OSBPL10: variants seen among roughly 807,000 people sequenced by gnomAD.
OSBPL10 encodes oxysterol-binding protein-related protein 10.
OSBPL10 carries 49 observed loss-of-function variants against 81.7 expected under a neutral mutation model. The ratio of observed to expected loss-of-function variants is 0.60; its 90% confidence interval spans 0.48 to 0.76. The LOEUF (loss-of-function observed/expected upper bound fraction) is 0.76. Among genes scored for constraint, OSBPL10 ranks in the 30% least tolerant of loss-of-function variants. OSBPL10 has a pLI of 0.00. For synonymous variants in OSBPL10, 419 were observed against 383.6 expected (o/e 1.09, Z -1.08); for missense variants, 923 against 987.8 (o/e 0.93, Z 0.88).
At chr3:31,693,866 TAA>T (rs1210485066) in intron 7 of OSBPL10, among the ~76,000 whole-genome samples, 4 of 152,154 alleles carry the variant, frequency 2.6e-5, no homozygotes, top group Non-Finnish European at 4.4e-5. Flanking sequence ...CTCCTAGGCT[TAA>T]GTGATCCTCC....
intron 1 of OSBPL10, among the ~76,000 whole-genome samples, chr3:31,886,131 T>C (rs1215216153): frequency 6.6e-6 from 1 of 151,928 alleles, no homozygotes; most frequent in Non-Finnish European, 1.5e-5. Context: ...CAAACATGCA[T>C]GAAAAAAATC....
At chr3:31,986,028 T>C (rs1000298873), upstream of OSBPL10, among the ~76,000 whole-genome samples, 17 of 152,268 alleles carry the variant, frequency 1.1e-4, no homozygotes, top group South Asian at 8.3e-4. Context: ...ACCACTTGCT[T>C]TGCAATGAAT....
At position 31,992,132 on chromosome 3, in the gene OSBPL10, C is replaced by T. The variant is rs536806005; in HGVS notation, n.298+54359G>A. ...CTGCACTCCAACCTAGGCAACAGAG[C>T]GAGACTCCATCTCAAAAAAAAAAAA... On this transcript the variant is annotated intron_variant and non_coding_transcript_variant, in intron 2 of 3. Transcript: ENST00000479173. Among the ~76,000 whole-genome samples, 12 of 138,650 alleles carry T rather than the reference C, an allele frequency of 8.7e-5. No homozygotes were observed. In the East Asian group the frequency reaches 1.9e-3, roughly 22 times the overall value. The allele number at this position is 138,650 out of a possible 152,430, so 91.0% of individuals were successfully genotyped here.
intron 1 of OSBPL10, among the ~76,000 whole-genome samples, chr3:32,049,542 G>A (rs1403822035): frequency 3.3e-5 from 5 of 152,120 alleles, no homozygotes; most frequent in Admixed American, 3.3e-4. Context: ...TTGGGTTTGA[G>A]GCAAGACCCA....
intron 1 of OSBPL10, among the ~76,000 whole-genome samples, chr3:31,912,303 A>G (rs1696603317): frequency 6.6e-6 from 1 of 151,884 alleles, no homozygotes. Flanking sequence ...CTGAGGCAGG[A>G]GAATCATTTG....
At chr3:32,031,345 T>C (rs1699465802) in intron 2 of OSBPL10, among the ~76,000 whole-genome samples, 1 of 152,148 alleles carries the variant, frequency 6.6e-6, no homozygotes, top group Admixed American at 6.5e-5. Flanking sequence ...TTTAAAACTT[T>C]TTTATTTTCA....
At chr3:31,730,221 A>C (rs1326759413) in intron 6 of OSBPL10, among the ~76,000 whole-genome samples, 1 of 152,020 alleles carries the variant, frequency 6.6e-6, no homozygotes, top group Non-Finnish European at 1.5e-5. Context: ...CCTGCCTGTA[A>C]TCCCAGCTAC....
Position 31,761,982 on chromosome 3 carries a change from A to C in OSBPL10, c.730-13862T>G, listed in dbSNP as rs537306225. ...AGCAAAGGGAGGGCAGTGCTATTGGAAGAACGAGGTGGACCCAGAAAGCAA... is the reference window on the plus strand; with the variant it reads ...AGCAAAGGGAGGGCAGTGCTATTGGCAGAACGAGGTGGACCCAGAAAGCAA... On this transcript the variant is annotated intron_variant, in intron 4 of 11. Coordinates refer to ENST00000396556, the MANE Select transcript of OSBPL10 (RefSeq NM_017784.5). Among the ~76,000 whole-genome samples the C allele has an allele frequency of 6.6e-5, 10 of 152,210 alleles. No individual in the cohort carries two copies. In the South Asian group the frequency reaches 8.3e-4, roughly 13 times the overall value.
chr3:31,893,206 C>T (rs1174118846), intron 1 of OSBPL10, among the ~76,000 whole-genome samples: 2 of 152,190 alleles, frequency 1.3e-5, no homozygotes, highest in Non-Finnish European at 2.9e-5. Context: ...AGAACCCTTA[C>T]ACCTCAAAAC....
At chr3:31,716,832 G>C (rs567305582) in intron 6 of OSBPL10, among the ~76,000 whole-genome samples, 1 of 152,300 alleles carries the variant, frequency 6.6e-6, no homozygotes, top group East Asian at 1.9e-4. Flanking sequence ...GATTGGATAA[G>C]GGTGATTATA....
intron 5 of OSBPL10, among the ~76,000 whole-genome samples, chr3:31,734,985 G>A (rs1022747612): frequency 1.3e-5 from 2 of 152,218 alleles, no homozygotes; most frequent in African/African-American, 4.8e-5. Flanking sequence ...ATATCCCCAG[G>A]GGAATCTGGT....
intron 2 of OSBPL10, chr3:31,991,011 T>G: frequency 6.5e-7 from 1 of 1,532,956 alleles, no homozygotes; most frequent in Non-Finnish European, 8.8e-7. Flanking sequence ...AGAAAATTCA[T>G]TCCTGAGATA....
Position 31,810,131 on chromosome 3 carries a change from A to G in OSBPL10, c.729+19909T>C, listed in dbSNP as rs6785061. On this transcript the variant is annotated intron_variant, in intron 4 of 11. Coordinates refer to ENST00000396556, the MANE Select transcript of OSBPL10 (RefSeq NM_017784.5). ...GGTGATCCACCCACCTCAGCCTCCC[A>G]AAGTGCTGGGATCACAGGCATGAGC... Among the ~76,000 whole-genome samples the G allele has an allele frequency of 6.4e-3, 978 of 152,098 alleles. 11 individuals carry two copies. Among genetic ancestry groups the G allele is most frequent in the African/African-American group, 0.022 (931 of 41,460 alleles).
chr3:31,898,580 TAA>T (rs80118352), intron 1 of OSBPL10, among the ~76,000 whole-genome samples: 107 of 143,094 alleles, frequency 7.5e-4, no homozygotes, highest in Middle Eastern at 3.5e-3. Flanking sequence ...CCCTGTCTCT[TAA>T]AAAAAAAAAA....
At chr3:31,853,001 T>C (rs530633708) in intron 3 of OSBPL10, among the ~76,000 whole-genome samples, 1 of 152,316 alleles carries the variant, frequency 6.6e-6, no homozygotes, top group South Asian at 2.1e-4. Flanking sequence ...GTAGGCAGTT[T>C]ATAAATGCCT....
At chr3:31,887,127 GAGC>G (rs1033932795) in intron 1 of OSBPL10, among the ~76,000 whole-genome samples, 1 of 152,076 alleles carries the variant, frequency 6.6e-6, no homozygotes, top group Non-Finnish European at 1.5e-5. Context: ...AAGCTGGAAG[GAGC>G]AGTTCTTTCC....
chr3:31,851,211 G>A (rs949318929), intron 3 of OSBPL10, among the ~76,000 whole-genome samples: 1 of 152,164 alleles, frequency 6.6e-6, no homozygotes, highest in African/African-American at 2.4e-5. Flanking sequence ...GCATCCCACT[G>A]GGGGAAGAAA....
At chr3:31,835,004 A>G (rs1700331025) in intron 3 of OSBPL10, among the ~76,000 whole-genome samples, 1 of 152,198 alleles carries the variant, frequency 6.6e-6, no homozygotes, top group Non-Finnish European at 1.5e-5. Context: ...TAAAGTATGC[A>G]ATGAATACTA....
chr3:31,981,234 C>A lies in OSBPL10; in HGVS notation c.-55G>T. ...CGCCGCGGTGGCGGCCCCGGCACGG[C>A]GGCTGCTGCTGCTGCTACAGCTCCG... On this transcript the variant is annotated 5_prime_UTR_variant, in exon 1 of 12. Transcript: ENST00000396556. This position sits in a 1 kb window ranked among gnomAD's most constrained non-coding sequence, Gnocchi z 4.5. 2 of 1,338,600 alleles carry A rather than the reference C, an allele frequency of 1.5e-6. No individual in the cohort carries two copies. Among genetic ancestry groups the A allele is most frequent in the South Asian group, 2.0e-5 (1 of 50,202 alleles). 82.9% of individuals were successfully genotyped at this position (1,338,600 alleles called of 1,614,324 possible). A position where few individuals can be genotyped will look rare whatever the true frequency, so the allele number is the denominator to read the frequency against.
Sources: gnomAD v4.1 joint callset for allele counts (sites outside exome capture counted in the v4.1 genomes callset) on GRCh38, gnomAD v4.1.1 for gene constraint, Gnocchi (gnomAD v3.1) non-coding constraint, MANE v1.5 for transcripts, NCBI Gene and HGNC (gene_info 2026-07-23, HGNC 2026-07-21) for gene names.